Variants in NAGK observed in about 807,000 individuals in gnomAD.
NAGK encodes the protein N-acetyl-D-glucosamine kinase.
A neutral mutation model predicts 42.9 loss-of-function variants in NAGK; 35 were observed. The observed-to-expected ratio is 0.82, with a 90% confidence interval of 0.62 to 1.08. The LOEUF is 1.08. Ranked by LOEUF, NAGK falls within the 50% of genes least tolerant of loss-of-function variation. NAGK has a pLI of 0.00. For synonymous variants in NAGK, 172 were observed against 176.0 expected (o/e 0.98, Z 0.18); for missense variants, 446 against 446.0 (o/e 1.00, Z 0.00).
At chr2:71,072,968 G>C (rs1672078082) in intron 5 of NAGK, 1 of 605,210 alleles carries the variant, frequency 1.7e-6, no homozygotes. Context: ...CTTGCACCCA[G>C]GACTCAGATT....
At chr2:71,072,232 C>CA in intron 4 of NAGK, 1 of 258,236 alleles carries the variant, frequency 3.9e-6, no homozygotes, top group Non-Finnish European at 7.6e-6. Context: ...GGCGAAGTTC[C>CA]AAAACTCTGA....
Position 71,078,641 on chromosome 2 carries a change from A to C in NAGK, c.*133A>C. 1 of 1,043,448 alleles carries C rather than the reference A, an allele frequency of 9.6e-7. No individual in the cohort carries two copies. Among genetic ancestry groups the C allele is most frequent in the Non-Finnish European group, 1.4e-6 (1 of 739,588 alleles). 64.6% of individuals were successfully genotyped at this position (1,043,448 alleles called of 1,614,324 possible). ...ATAAATGCACTTTATCCACTCCCCA[A>C]TTGGACTGCATTATCAAACACATGT... is the stretch of plus-strand genomic sequence containing the variant. On this transcript the variant is annotated 3_prime_UTR_variant, in exon 10 of 10. Transcript: ENST00000244204.
intron 3 of NAGK, 200 bp from the exon 4 acceptor site, chr2:71,071,486 T>G: frequency 1.5e-6 from 1 of 658,168 alleles, no homozygotes; most frequent in South Asian, 2.5e-5. Context: ...CTCTTTCTTC[T>G]GTCCATCCCC....
rs776999462 is a variant in NAGK at position 71,071,847 on chromosome 2, GGTGAGA to G, written c.355+27_355+32del. The G allele has an allele frequency of 2.1e-5, 34 of 1,613,202 alleles. 1 individual carries two copies. The Middle Eastern group carries it at 4.9e-4, about 23-fold the overall frequency. On this transcript the variant is annotated intron_variant, in intron 4 of 9. Coordinates refer to ENST00000244204, the MANE Select transcript of NAGK (RefSeq NM_017567.6). ...CGGATGGTGAGGAAGTGGAGGGAGG[GGTGAGA>G]GTGAGAACTGGTTTTTTTGGGAAAG...
chr2:71,068,532 G>C (rs1391180355), upstream of NAGK: 1 of 1,462,790 alleles, frequency 6.8e-7, no homozygotes, highest in East Asian at 3.0e-5. Flanking sequence ...TCCTACCGGC[G>C]CCCCGCCCCG....
Position 71,068,698 on chromosome 2 carries a change from T to A in NAGK, c.15T>A (p.Tyr5Ter), listed in dbSNP as rs1671881130. The A allele has an allele frequency of 6.6e-7, 1 of 1,514,404 alleles. No homozygotes were observed. Among genetic ancestry groups the A allele is most frequent in the Admixed American group, 2.2e-5 (1 of 45,010 alleles). The allele number at this position is 1,514,404 out of a possible 1,614,324, so 93.8% of individuals were successfully genotyped here. Residue 5 changes from tyrosine (Y) to a stop codon, truncating the protein, a stop_gained, in exon 1 of 10, where the codon TAT (tyrosine) becomes TAA (stop). Coordinates refer to ENST00000244204, the MANE Select transcript of NAGK (RefSeq NM_017567.6). LOFTEE classifies it high-confidence loss of function. MAAI[Y>*]GGVEGGGTRS... ...GTAGCAGCAGCATGGCCGCGATCTA[T>A]GGGGGTGTAGAGGGGTGAGTGCGGC...
intron 9 of NAGK, 111 bp downstream of exon 9, chr2:71,077,747 C>G: frequency 8.6e-7 from 1 of 1,161,420 alleles, no homozygotes; most frequent in African/African-American, 1.5e-5. Flanking sequence ...ACCCTGAGGC[C>G]TAGACAGGCC....
rs1425324798 is a variant in NAGK at position 71,069,598 on chromosome 2, A to G, written c.29+886A>G. ...TCCTGTATTTGTAGCACTTAAAAAA[A>G]ACAGTATAGGAGTCTGCATTCATCC... On this transcript the variant is annotated intron_variant, in intron 1 of 9. Transcript: ENST00000244204. 2.0e-5 allele frequency: 3 copies of G among 153,046 alleles called. No individual in the cohort carries two copies. The Admixed American group carries it at 2.0e-4, about 10-fold the overall frequency. 9.5% of individuals were successfully genotyped at this position (153,046 alleles called of 1,614,324 possible). A position where few individuals can be genotyped will look rare whatever the true frequency, so the allele number is the denominator to read the frequency against.
chr2:71,078,420 C>T lies in NAGK; in HGVS notation c.947C>T (p.Ala316Val), dbSNP rs1672294232. The change falls in exon 10 of 10, where the codon GCC (alanine) becomes GTC (valine). Residue 316 changes from alanine (A) to valine (V), a missense_variant. Physicochemically the swap from Ala to Val is moderately conservative, Grantham distance 64. Transcript: ENST00000244204. ...KLRHSSALGG[A>V]SLGARHIGHL... The stretch of plus-strand genomic sequence containing the variant: ...AGGCACTCCTCCGCTCTGGGTGGGG[C>T]CAGCCTAGGGGCCAGGCACATCGGG... 4 of 1,614,002 alleles carry T rather than the reference C, an allele frequency of 2.5e-6. No homozygotes were observed. The highest frequency in any genetic ancestry group is 3.3e-4 in the Middle Eastern group (2 of 6,062).
chr2:71,071,908 C>A, intron 4 of NAGK, 81 bp downstream of exon 4: 1 of 1,537,250 alleles, frequency 6.5e-7, no homozygotes, highest in South Asian at 1.2e-5. Flanking sequence ...AAAACTTGTT[C>A]TGCAAATATC....
chr2:71,071,654 C>T (rs2103697190), intron 3 of NAGK, 32 bp from the exon 4 acceptor site: 1 of 1,594,452 alleles, frequency 6.3e-7, no homozygotes, highest in Non-Finnish European at 8.5e-7. Flanking sequence ...GGCTGGGGCT[C>T]TGCACACTCG....
At chr2:71,071,564 G>C (rs183889158) in intron 3 of NAGK, 122 bp from the exon 4 acceptor site, 2 of 1,338,538 alleles carry the variant, frequency 1.5e-6, no homozygotes, top group East Asian at 5.1e-5. Flanking sequence ...GAGGACTGGG[G>C]CTGGGTGAAC....
At chr2:71,075,316 T>G in intron 6 of NAGK, 3 of 437,852 alleles carry the variant, frequency 6.9e-6, no homozygotes, top group Non-Finnish European at 1.2e-5. Context: ...ACACTTTGGT[T>G]AACACAAATC....
chr2:71,077,591 C>A lies in NAGK; in HGVS notation c.799C>A (p.Leu267Met). The A allele has an allele frequency of 6.2e-7, 1 of 1,609,716 alleles. No individual in the cohort carries two copies. Among genetic ancestry groups the A allele is most frequent in the East Asian group, 2.2e-5 (1 of 44,702 alleles). Residue 267 changes from leucine to methionine, a missense_variant, in exon 9 of 10, where the codon CTG becomes ATG. Coordinates refer to ENST00000244204, the MANE Select transcript of NAGK (RefSeq NM_017567.6). ...CCAGGGCAAGATTGGACTCCCCATC[C>A]TGTGCGTGGGCTCTGTGTGGAAGAG... ...LFQGKIGLPI[L>M]CVGSVWKSWE...
chr2:71,072,164 T>A lies in NAGK; in HGVS notation c.355+337T>A, dbSNP rs1672038506. 11 of 301,250 alleles carry A rather than the reference T, an allele frequency of 3.7e-5. No individual in the cohort carries two copies. In the South Asian group the frequency reaches 5.4e-4, roughly 15 times the overall value. The allele number at this position is 301,250 out of a possible 1,614,324, so 18.7% of individuals were successfully genotyped here. On this transcript the variant is annotated intron_variant, in intron 4 of 9. Transcript: ENST00000244204. ...GGCCTTGTGATAGTGTAAAGAGTTT[T>A]GGTGTCATGGGATTGGTGTTTGAAT... is the stretch of plus-strand genomic sequence containing the variant.
intron 5 of NAGK, 103 bp from the exon 6 acceptor site, chr2:71,073,379 T>C: frequency 1.3e-6 from 1 of 748,264 alleles, no homozygotes; most frequent in Non-Finnish European, 2.3e-6. Flanking sequence ...ACCTAATTTG[T>C]ATAAAATTCA....
rs1672308612 is a variant in NAGK at position 71,078,724 on chromosome 2, T to A, written c.*216T>A. On this transcript the variant is annotated 3_prime_UTR_variant, in exon 10 of 10. Coordinates refer to ENST00000244204, the MANE Select transcript of NAGK (RefSeq NM_017567.6). ...ATATCCTGGAGGGCTCATGAGTGAATTTAGTCCAAGATTTAAAGCCCTGCC... is the reference window on the plus strand; with the variant it reads ...ATATCCTGGAGGGCTCATGAGTGAAATTAGTCCAAGATTTAAAGCCCTGCC... 1 of 579,570 alleles carries A rather than the reference T, an allele frequency of 1.7e-6. No individual in the cohort carries two copies. The highest frequency in any genetic ancestry group is 3.7e-5 in the Admixed American group (1 of 27,382). The allele number at this position is 579,570 out of a possible 1,614,324, so 35.9% of individuals were successfully genotyped here.
chr2:71,068,334 CAGGTCAGTGATGTGTCCTA>C, upstream of NAGK: 1 of 562,342 alleles, frequency 1.8e-6, no homozygotes, highest in Non-Finnish European at 2.8e-6. Flanking sequence ...TACAGGCAGG[CAGGTCAGTGATGTGTCCTA>C]AGGGTCCGAC....
chr2:71,070,202 G>A (rs1572974680), intron 1 of NAGK: 4 of 323,234 alleles, frequency 1.2e-5, no homozygotes, highest in Non-Finnish European at 2.4e-5. Flanking sequence ...TTTAACTAAC[G>A]GAGACTTAAC....
Sources: allele counts gnomAD v4.1 joint callset, GRCh38; gene constraint gnomAD v4.1.1; transcripts MANE v1.5; gene names NCBI Gene and HGNC (gene_info 2026-07-23, HGNC 2026-07-21).